The following KCTD16 variants were observed in gnomAD, a reference collection of about 807,000 sequenced individuals.
KCTD16 encodes BTB/POZ domain-containing protein KCTD16.
Under a neutral mutation model 33.2 loss-of-function variants are expected in KCTD16, and 13 were observed. That is an observed-to-expected ratio of 0.39 (90% CI 0.25 to 0.62). The LOEUF (loss-of-function observed/expected upper bound fraction) is 0.62. Ranked by LOEUF, KCTD16 falls within the 20% of genes least tolerant of loss-of-function variation. The pLI is 0.50. For missense variants in KCTD16, 441 were observed against 525.1 expected (o/e 0.84, Z 1.57); for synonymous variants, 197 against 195.3 (o/e 1.01, Z -0.07).
chr5:144,319,722 T>G (rs909993850), intron 3 of KCTD16, among the ~76,000 whole-genome samples: 6 of 152,200 alleles, frequency 3.9e-5, no homozygotes, highest in African/African-American at 2.4e-5. Context: ...AACCATAGTC[T>G]TTCTAGAATA....
At chr5:144,374,945 G>A (rs1752051563) in intron 3 of KCTD16, among the ~76,000 whole-genome samples, 1 of 152,148 alleles carries the variant, frequency 6.6e-6, no homozygotes, top group South Asian at 2.1e-4. Context: ...TTCACTTTGG[G>A]ACTGCTGTTG....
chr5:144,405,787 G>A (rs916263119), intron 3 of KCTD16, among the ~76,000 whole-genome samples: 1 of 152,262 alleles, frequency 6.6e-6, no homozygotes, highest in African/African-American at 2.4e-5. Flanking sequence ...AATTGCAGAA[G>A]GGATTAGTGG....
At chr5:144,413,151 A>G (rs1752970694) in intron 3 of KCTD16, among the ~76,000 whole-genome samples, 1 of 152,204 alleles carries the variant, frequency 6.6e-6, no homozygotes, top group African/African-American at 2.4e-5. Flanking sequence ...TAATTACTAT[A>G]CTTTTTCAAA....
chr5:144,401,218 CAATT>C (rs764415186), intron 3 of KCTD16, among the ~76,000 whole-genome samples: 2 of 152,110 alleles, frequency 1.3e-5, no homozygotes, highest in Non-Finnish European at 2.9e-5. Flanking sequence ...AATTTAATTA[CAATT>C]AATTAATTAA....
chr5:144,417,509 C>A lies in KCTD16; in HGVS notation c.833-56151C>A, dbSNP rs531149300. ...TATTTTGAGAGTACTTTATACATTC[C>A]AAAAAATTATCAGATAGATGATTTG... On this transcript the variant is annotated intron_variant, in intron 3 of 3. Coordinates refer to ENST00000512467, the MANE Select transcript of KCTD16 (RefSeq NM_020768.4). 5.1e-4 allele frequency among the ~76,000 whole-genome samples: 77 copies of A among 152,102 alleles called. 1 individual carries two copies. The East Asian group carries it at 0.013, about 25-fold the overall frequency.
chr5:144,185,656 A>T (rs886119306), intron 2 of KCTD16, among the ~76,000 whole-genome samples: 6 of 152,118 alleles, frequency 3.9e-5, no homozygotes, highest in Non-Finnish European at 7.4e-5. Context: ...GATAATTCTC[A>T]TGCAGTATTA....
At chr5:144,361,770 G>A (rs1259818406) in intron 3 of KCTD16, among the ~76,000 whole-genome samples, 2 of 152,044 alleles carry the variant, frequency 1.3e-5, no homozygotes, top group Admixed American at 6.6e-5. Flanking sequence ...TGCCAAATTA[G>A]GGTGTGTTCT....
At chr5:144,369,373 C>T (rs566327573) in intron 3 of KCTD16, 7 of 152,276 alleles carry the variant, frequency 4.6e-5, no homozygotes, top group African/African-American at 1.2e-4. Context: ...CCAGGTCCTC[C>T]GTATGAGATG....
In KCTD16 at chr5:144,453,955, G is replaced by T. The variant is rs1455309673; in HGVS notation, c.833-19705G>T. 3.9e-5 allele frequency among the ~76,000 whole-genome samples: 6 copies of T among 152,228 alleles called. No homozygotes were observed. The East Asian group carries it at 1.2e-3, about 29-fold the overall frequency. ...GTGACCTCATGTTCAGACTATCTGT[G>T]TAACACCGAGCCCAGTCAGTAAACT... On this transcript the variant is annotated intron_variant, in intron 3 of 3. Transcript: ENST00000512467.
chr5:144,414,296 A>C (rs1314398468), intron 3 of KCTD16, among the ~76,000 whole-genome samples: 2 of 152,144 alleles, frequency 1.3e-5, no homozygotes, highest in Non-Finnish European at 2.9e-5. Context: ...TAATAGTATA[A>C]AAAGTGCTAC....
intron 3 of KCTD16, among the ~76,000 whole-genome samples, chr5:144,401,452 A>G (rs1645433544): frequency 6.6e-6 from 1 of 152,094 alleles, no homozygotes; most frequent in Non-Finnish European, 1.5e-5. Context: ...ACAAACCAAT[A>G]TGTATTAAAA....
At chr5:144,233,328 A>C (rs1396441893) in intron 3 of KCTD16, among the ~76,000 whole-genome samples, 1 of 152,128 alleles carries the variant, frequency 6.6e-6, no homozygotes. Flanking sequence ...TTCTGATTCT[A>C]TCATTTTTAA....
intron 3 of KCTD16, among the ~76,000 whole-genome samples, chr5:144,305,873 A>G (rs926029866): frequency 1.3e-5 from 2 of 152,204 alleles, no homozygotes; most frequent in African/African-American, 4.8e-5. Flanking sequence ...CCTATAAGCC[A>G]AGGAGAGAGC....
rs543238563 is a variant in KCTD16, at chr5:144,279,017, A to T, written c.832+71471A>T. Among the ~76,000 whole-genome samples, 12 of 152,262 alleles carry T rather than the reference A, an allele frequency of 7.9e-5. No homozygotes were observed. In the East Asian group the frequency reaches 2.3e-3, roughly 29 times the overall value. On this transcript the variant is annotated intron_variant, in intron 3 of 3. Transcript: ENST00000512467. The stretch of plus-strand genomic sequence containing the variant: ...AGTGTTTTGTAGTTTTCAGGAAAAG[A>T]TTTTGTACATATTTTGTAAGATTTA...
In KCTD16 at chr5:144,347,481, G is replaced by C. The variant is rs867316410; in HGVS notation, c.833-126179G>C. ...GTGGTGGCAAGCACCTGCAATCCCA[G>C]CTACTTGGGAGGCTGAAGCAGGAGA... On this transcript the variant is annotated intron_variant, in intron 3 of 3. Coordinates refer to ENST00000512467, the MANE Select transcript of KCTD16 (RefSeq NM_020768.4). Among the ~76,000 whole-genome samples, 3 of 152,276 alleles carry C rather than the reference G, an allele frequency of 2.0e-5. No homozygotes were observed. The South Asian group carries it at 6.2e-4, about 32-fold the overall frequency.
At chr5:144,282,870 G>A (rs1470907725) in intron 3 of KCTD16, among the ~76,000 whole-genome samples, 2 of 152,076 alleles carry the variant, frequency 1.3e-5, no homozygotes, top group Non-Finnish European at 2.9e-5. Context: ...TATCCCCTCA[G>A]ATTATCTAAA....
Position 144,228,287 on chromosome 5 carries a change from G to T in KCTD16, c.832+20741G>T, listed in dbSNP as rs1487051036. ...GTAGGAAGAGAACCAGGAAAGTGGGGTGTCCTGGAAGCCAGGTGAAAATAA... is the reference window on the plus strand; with the variant it reads ...GTAGGAAGAGAACCAGGAAAGTGGGTTGTCCTGGAAGCCAGGTGAAAATAA... On this transcript the variant is annotated intron_variant, in intron 3 of 3. Coordinates refer to ENST00000512467, the MANE Select transcript of KCTD16 (RefSeq NM_020768.4). 2.6e-5 allele frequency among the ~76,000 whole-genome samples: 4 copies of T among 152,304 alleles called. No homozygotes were observed. The East Asian group carries it at 5.8e-4, about 22-fold the overall frequency.
intron 3 of KCTD16, among the ~76,000 whole-genome samples, chr5:144,348,469 CCAAAA>C (rs1561576237): frequency 6.6e-6 from 1 of 152,194 alleles, no homozygotes; most frequent in Non-Finnish European, 1.5e-5. Context: ...CAATGCTTTT[CCAAAA>C]TACTCTACCC....
rs75636238 is a variant in KCTD16 at position 144,461,605 on chromosome 5, T to C, written c.833-12055T>C. The stretch of plus-strand genomic sequence containing the variant: ...TCCCTGACTCCTCAGTCCGTCCTTA[T>C]AGCAATTCAATCTCCACTCTTTCTA... On this transcript the variant is annotated intron_variant, in intron 3 of 3. Transcript: ENST00000512467. 2.9e-3 allele frequency among the ~76,000 whole-genome samples: 435 copies of C among 152,272 alleles called. 1 individual carries two copies. Among genetic ancestry groups the C allele is most frequent in the African/African-American group, 1.0e-2 (414 of 41,556 alleles).
Sources: gnomAD v4.1 joint callset for allele counts (sites outside exome capture counted in the v4.1 genomes callset) on GRCh38, gnomAD v4.1.1 for gene constraint, MANE v1.5 for transcripts, NCBI Gene and HGNC (gene_info 2026-07-23, HGNC 2026-07-21) for gene names.